The following CEP83 variants were observed in gnomAD, a reference collection of about 807,000 sequenced individuals.
The protein encoded by CEP83 is centrosomal protein of 83 kDa.
Under a neutral mutation model 101.9 loss-of-function variants are expected in CEP83, and 70 were observed. That is an observed-to-expected ratio of 0.69 (90% confidence interval 0.57 to 0.84). The LOEUF is 0.84. CEP83 is among the 40% of genes least tolerant of loss of function. The pLI is 0.00. For missense variants in CEP83, 715 were observed against 787.2 expected (o/e 0.91, Z 1.10); for synonymous variants, 264 against 267.9 (o/e 0.99, Z 0.14).
chr12:94,289,272 T>G, the CEP83 span, among the ~76,000 whole-genome samples: 9 of 152,218 alleles, frequency 5.9e-5, no homozygotes. Context: ...CAACTTCTCA[T>G]TCTAATGATG....
At chr12:94,426,759 C>T (rs1411491342) in intron 2 of CEP83, among the ~76,000 whole-genome samples, 1 of 152,004 alleles carries the variant, frequency 6.6e-6, no homozygotes, top group African/African-American at 2.4e-5. Context: ...CACATGTATC[C>T]TTCTAAGAGA....
intron 1 of CEP83, among the ~76,000 whole-genome samples, chr12:94,436,320 A>G (rs114386168): frequency 0.057 from 8,645 of 152,012 alleles, 269 homozygotes; most frequent in Non-Finnish European, 0.072. Context: ...AACAACTTGA[A>G]CAAATAAAAA....
chr12:94,332,476 T>C (rs2059266047), intron 13 of CEP83, among the ~76,000 whole-genome samples: 1 of 152,220 alleles, frequency 6.6e-6, no homozygotes, highest in Non-Finnish European at 1.5e-5. Flanking sequence ...TAGCTGGAAC[T>C]AAAATCACAT....
intron 1 of CEP83, among the ~76,000 whole-genome samples, chr12:94,454,907 C>G (rs2067547281): frequency 6.6e-6 from 1 of 152,104 alleles, no homozygotes; most frequent in Non-Finnish European, 1.5e-5. Flanking sequence ...GGACGCGCCA[C>G]CTTTAAGAGC....
In CEP83 at chr12:94,376,690, TACACAC is replaced by T. The variant is rs533315599; in HGVS notation, c.802-679_802-674del. Among the ~76,000 whole-genome samples, 855 of 117,380 alleles carry T rather than the reference TACACAC, an allele frequency of 7.3e-3. 2 individuals are homozygous for T. The highest frequency in any genetic ancestry group is 0.018 in the South Asian group (60 of 3,310). 77.0% of individuals were successfully genotyped at this position (117,380 alleles called of 152,430 possible). ...ATTCAACATAATATATATACATATA[TACACAC>T]ACACACACACACACACACACACACA... On this transcript the variant is annotated intron_variant, in intron 7 of 16. Transcript: ENST00000397809.
chr12:94,336,621 C>T (rs1249771982), intron 11 of CEP83, among the ~76,000 whole-genome samples: 1 of 152,112 alleles, frequency 6.6e-6, no homozygotes, highest in Non-Finnish European at 1.5e-5. Context: ...ACATAAAAAA[C>T]CTGAAGATAT....
chr12:94,342,708 A>T (rs894663994), intron 11 of CEP83, among the ~76,000 whole-genome samples: 2 of 152,216 alleles, frequency 1.3e-5, no homozygotes, highest in African/African-American at 2.4e-5. Flanking sequence ...AAATTTAAAA[A>T]TAAGAGGATA....
chr12:94,368,213 C>A lies in CEP83; in HGVS notation c.1049-12G>T. 6.2e-7 allele frequency: 1 copy of A among 1,603,060 alleles called. No homozygotes were observed. The highest frequency in any genetic ancestry group is 8.5e-7 in the Non-Finnish European group (1 of 1,174,970). On this transcript the variant is annotated splice_polypyrimidine_tract_variant and intron_variant, in intron 9 of 16. Transcript: ENST00000397809. ...GTCTGACTGTAATCCTAGTGTTTTTCAAGGAGAAAAGTGTACTATATTCAA... is the reference window on the plus strand; with the variant it reads ...GTCTGACTGTAATCCTAGTGTTTTTAAAGGAGAAAAGTGTACTATATTCAA...
Position 94,435,268 on chromosome 12 carries a change from A to T in CEP83, c.-102+7T>A, listed in dbSNP as rs990690749. The T allele has an allele frequency of 6.6e-6, 1 of 152,266 alleles. No homozygotes were observed. The highest frequency in any genetic ancestry group is 2.4e-5 in the African/African-American group (1 of 41,472). The allele number at this position is 152,266 out of a possible 1,614,324, so 9.4% of individuals were successfully genotyped here. On this transcript the variant is annotated splice_region_variant and intron_variant, in intron 2 of 16. Transcript: ENST00000397809. ...GAAAAAAGCAGAAGCAAGAAGGTTT[A>T]TCTCACCTTCCTCTAAAGTAGGTCA...
intron 14 of CEP83, among the ~76,000 whole-genome samples, chr12:94,316,296 A>C (rs1462983112): frequency 6.6e-6 from 1 of 152,178 alleles, no homozygotes; most frequent in Non-Finnish European, 1.5e-5. Context: ...TGTGTAAAGA[A>C]AAATAACTAG....
At chr12:94,454,239 T>C (rs1280172231) in intron 1 of CEP83, among the ~76,000 whole-genome samples, 1 of 152,222 alleles carries the variant, frequency 6.6e-6, no homozygotes, top group Non-Finnish European at 1.5e-5. Context: ...ATATCAGTTG[T>C]AGAGAAGTCT....
chr12:94,382,285 T>G (rs532624699), intron 6 of CEP83, among the ~76,000 whole-genome samples: 1 of 151,978 alleles, frequency 6.6e-6, no homozygotes, highest in South Asian at 2.1e-4. Context: ...AATTTTATTG[T>G]CTTTTCAAAG....
At chr12:94,393,202 T>C (rs1041034789) in intron 6 of CEP83, among the ~76,000 whole-genome samples, 2 of 152,208 alleles carry the variant, frequency 1.3e-5, no homozygotes, top group Admixed American at 1.3e-4. Context: ...ATATCCCTGA[T>C]GAACATTGAT....
chr12:94,304,733 G>A (rs757664199), downstream of CEP83, among the ~76,000 whole-genome samples: 3 of 152,106 alleles, frequency 2.0e-5, no homozygotes, highest in Non-Finnish European at 2.9e-5. Flanking sequence ...AGCATCCCTC[G>A]TTCCAGGGGT....
chr12:94,441,036 T>C (rs1266674768), intron 1 of CEP83, among the ~76,000 whole-genome samples: 2 of 152,224 alleles, frequency 1.3e-5, no homozygotes, highest in Non-Finnish European at 2.9e-5. Flanking sequence ...CAACTCAAGA[T>C]GGATTAAAGA....
chr12:94,370,007 C>T lies in CEP83; in HGVS notation c.963G>A (p.Leu321=). 1.2e-6 allele frequency: 2 copies of T among 1,608,152 alleles called. No individual in the cohort carries two copies. The highest frequency in any genetic ancestry group is 1.7e-6 in the Non-Finnish European group (2 of 1,175,382). Residue 321 remains leucine (L), a synonymous_variant, in exon 9 of 17, where the codon CTG becomes CTA. Coordinates refer to ENST00000397809, the MANE Select transcript of CEP83 (RefSeq NM_016122.3). ...TCTCCAGTTTGATGTCTGTTATTTCCAGTTTGTTTGAATGTTTAAGTTCTT... is the reference window on the plus strand; with the variant it reads ...TCTCCAGTTTGATGTCTGTTATTTCTAGTTTGTTTGAATGTTTAAGTTCTT... ...KVKELKHSNK[L]EITDIKLETA...
chr12:94,424,117 G>C, intron 2 of CEP83: 4 of 1,605,654 alleles, frequency 2.5e-6, no homozygotes, highest in Admixed American at 1.7e-5. Context: ...ACACAGGAGA[G>C]GAAAGGTATG....
At chr12:94,305,167 C>T, downstream of CEP83, 1 of 1,538,464 alleles carries the variant, frequency 6.5e-7, no homozygotes, top group Middle Eastern at 1.7e-4. Flanking sequence ...AATAACTGTT[C>T]TAATTGTCAA....
At chr12:94,355,070 AC>A (rs2060389066) in intron 11 of CEP83, among the ~76,000 whole-genome samples, 1 of 152,134 alleles carries the variant, frequency 6.6e-6, no homozygotes, top group South Asian at 2.1e-4. Context: ...AATGCAACAT[AC>A]CCAAAACCTA....
Sources: gnomAD v4.1 joint callset for allele counts (sites outside exome capture counted in the v4.1 genomes callset) on GRCh38, gnomAD v4.1.1 for gene constraint, MANE v1.5 for transcripts, NCBI Gene and HGNC (gene_info 2026-07-23, HGNC 2026-07-21) for gene names.